Variants in OTC observed in about 807,000 individuals in gnomAD.
OTC encodes the protein ornithine transcarbamylase.
A neutral mutation model predicts 30.3 loss-of-function variants in OTC; 3 were observed. The observed-to-expected ratio is 0.10, with a 90% CI of 0.05 to 0.26. The LOEUF (loss-of-function observed/expected upper bound fraction) is 0.26, where lower values mean the gene tolerates loss of function less well. Ranked by LOEUF, OTC falls within the 10% of genes least tolerant of loss-of-function variation. OTC has a pLI of 1.00. For missense variants in OTC, 194 were observed against 260.3 expected (o/e 0.75, Z 1.75); for synonymous variants, 111 against 99.7 (o/e 1.11, Z -0.67).
chrX:38,419,159 C>A (rs1427024971), intron 9 of OTC, among the ~76,000 whole-genome samples: 1 of 110,901 alleles, frequency 9.0e-6, no homozygotes. Context: ...TGCATGGGTT[C>A]ATTTCTGGGC....
At chrX:38,397,372 C>T (rs1293703730) in intron 4 of OTC, among the ~76,000 whole-genome samples, 2 of 111,993 alleles carry the variant, frequency 1.8e-5, no homozygotes, top group Non-Finnish European at 3.8e-5. Context: ...ACTCTTGTTT[C>T]CTGGCAAGAA....
chrX:38,384,690 G>A (rs1340511472), intron 4 of OTC, among the ~76,000 whole-genome samples: 2 of 111,427 alleles, frequency 1.8e-5, no homozygotes, highest in Non-Finnish European at 3.8e-5. Context: ...ACTGATTGAC[G>A]GTGTTGCTTC....
At chrX:38,381,168 T>G (rs2068374221) in intron 3 of OTC, among the ~76,000 whole-genome samples, 174 bp from the exon 4 acceptor site, 1 of 112,475 alleles carries the variant, frequency 8.9e-6, no homozygotes, top group Non-Finnish European at 1.9e-5. Flanking sequence ...GCACAAAATT[T>G]TATCTACTTC....
At chrX:38,408,388 A>G (rs780713147) in intron 6 of OTC, among the ~76,000 whole-genome samples, 105 of 112,411 alleles carry the variant, frequency 9.3e-4, no homozygotes, top group Non-Finnish European at 1.5e-3. Flanking sequence ...TAGCATGTGC[A>G]AAGATAGACA....
At chrX:38,403,820 C>A in intron 6 of OTC, 80 bp downstream of exon 6, 1 of 1,077,957 alleles carries the variant, frequency 9.3e-7, no homozygotes, top group Non-Finnish European at 1.3e-6. Flanking sequence ...AAAAAAAGCT[C>A]TCTTCCATTT....
intron 6 of OTC, among the ~76,000 whole-genome samples, chrX:38,405,552 G>A (rs896455037): frequency 9.1e-6 from 1 of 110,344 alleles, no homozygotes; most frequent in Admixed American, 9.6e-5. Context: ...ATTACATCTG[G>A]AAAGACTCTA....
intron 1 of OTC, among the ~76,000 whole-genome samples, chrX:38,362,116 G>C (rs2068274847): frequency 8.9e-6 from 1 of 111,907 alleles, no homozygotes; most frequent in Non-Finnish European, 1.9e-5. Context: ...AGACAATACT[G>C]GTTGTCAGAA....
chrX:38,346,596 C>T, the OTC span, among the ~76,000 whole-genome samples: 2 of 112,170 alleles, frequency 1.8e-5, no homozygotes, highest in African/African-American at 6.5e-5. Context: ...TGTGATATAA[C>T]GATACAATGG....
At chrX:38,403,834 T>C in intron 6 of OTC, 94 bp downstream of exon 6, 2 of 976,633 alleles carry the variant, frequency 2.0e-6, no homozygotes, top group Non-Finnish European at 2.9e-6. Context: ...TCCATTTAAG[T>C]ATAGCACAGG....
At chrX:38,407,346 G>C in intron 6 of OTC, among the ~76,000 whole-genome samples, 1 of 112,390 alleles carries the variant, frequency 8.9e-6, no homozygotes, top group Admixed American at 9.4e-5. Context: ...TCTTCTGGCA[G>C]CACTCCCAGC....
the OTC span, among the ~76,000 whole-genome samples, chrX:38,336,064 G>A: frequency 1.8e-5 from 2 of 111,356 alleles, no homozygotes; most frequent in Non-Finnish European, 3.8e-5. Context: ...GATAATTTGA[G>A]AAGGATTTAT....
intron 3 of OTC, among the ~76,000 whole-genome samples, chrX:38,372,403 T>C (rs2068327523): frequency 8.9e-6 from 1 of 112,092 alleles, no homozygotes; most frequent in South Asian, 3.7e-4. Flanking sequence ...ACTATATATA[T>C]TTTTAAATAC....
At chrX:38,401,766 A>C (rs1449746785) in intron 5 of OTC, among the ~76,000 whole-genome samples, 4 of 112,160 alleles carry the variant, frequency 3.6e-5, no homozygotes, top group African/African-American at 1.3e-4. Flanking sequence ...ATGTGATTCT[A>C]TAGACATCAG....
chrX:38,335,137 T>C, the OTC span, among the ~76,000 whole-genome samples: 1 of 112,032 alleles, frequency 8.9e-6, no homozygotes, highest in Non-Finnish European at 1.9e-5. Flanking sequence ...CTAGGGGACA[T>C]GCACCCCAGT....
At chrX:38,371,641 A>G (rs147026148) in intron 3 of OTC, among the ~76,000 whole-genome samples, 2,510 of 112,071 alleles carry the variant, frequency 0.022, 77 homozygotes, top group African/African-American at 0.077. Flanking sequence ...AATTCACTCA[A>G]TTAATACAGA....
At chrX:38,377,101 CTTATA>C (rs1317901695) in intron 3 of OTC, among the ~76,000 whole-genome samples, 2 of 111,731 alleles carry the variant, frequency 1.8e-5, no homozygotes, top group Non-Finnish European at 3.8e-5. Flanking sequence ...TTTAAAAATA[CTTATA>C]TTAAATATAT....
At chrX:38,351,327 T>C (rs1569270506), upstream of OTC, among the ~76,000 whole-genome samples, 1 of 111,855 alleles carries the variant, frequency 8.9e-6, no homozygotes, top group Non-Finnish European at 1.9e-5. Context: ...TTTACTTGGG[T>C]TTGCTAAAGT....
At chrX:38,369,302 A>G (rs1204592510) in intron 2 of OTC, among the ~76,000 whole-genome samples, 5 of 111,412 alleles carry the variant, frequency 4.5e-5, no homozygotes, top group African/African-American at 1.6e-4. Flanking sequence ...TGTGGGAGTT[A>G]CTGTTCTCTT....
intron 4 of OTC, among the ~76,000 whole-genome samples, chrX:38,383,815 CA>C (rs748723759): frequency 0.017 from 1,117 of 65,101 alleles, 6 homozygotes; most frequent in Non-Finnish European, 0.027. Flanking sequence ...AAAGAAAAGA[CA>C]AAAAAAAAAA....
Sources: gnomAD v4.1 joint callset for allele counts (sites outside exome capture counted in the v4.1 genomes callset) on GRCh38, gnomAD v4.1.1 for gene constraint, MANE v1.5 for transcripts, NCBI Gene and HGNC (gene_info 2026-07-23, HGNC 2026-07-21) for gene names.